SLAIN2: variants seen among roughly 807,000 people sequenced by gnomAD.
SLAIN2 encodes the protein SLAIN motif-containing protein 2.
SLAIN2 carries 31 observed loss-of-function variants against 56.6 expected under a neutral mutation model. The observed-to-expected ratio is 0.55, with a 90% CI of 0.41 to 0.74. The LOEUF (loss-of-function observed/expected upper bound fraction) is 0.74, where lower values mean the gene tolerates loss of function less well. Among genes scored for constraint, SLAIN2 ranks in the 30% least tolerant of loss-of-function variants. SLAIN2 has a pLI of 0.00. For missense variants in SLAIN2, 777 were observed against 754.2 expected, an observed-to-expected ratio of 1.03 and a Z score of -0.35; for synonymous variants, 317 against 284.9, an observed-to-expected ratio of 1.11 and a Z score of -1.13.
rs1199947371 is a variant in SLAIN2 at position 48,424,051 on chromosome 4, A to T, written c.*1974A>T. ...AGGAATTTTACCTATTATGAAACATATTACATTTTTTAAGTTAGATAATCA... is the reference window on the plus strand; with the variant it reads ...AGGAATTTTACCTATTATGAAACATTTTACATTTTTTAAGTTAGATAATCA... On this transcript the variant is annotated 3_prime_UTR_variant, in exon 8 of 8. Transcript: ENST00000264313. 5.3e-5 allele frequency: 8 copies of T among 152,032 alleles called. No individual in the cohort carries two copies. The highest frequency in any genetic ancestry group is 1.3e-4 in the Admixed American group (2 of 15,254). 9.4% of individuals were successfully genotyped at this position (152,032 alleles called of 1,614,324 possible).
chr4:48,342,670 A>G (rs1714748761), intron 1 of SLAIN2, among the ~76,000 whole-genome samples: 1 of 143,612 alleles, frequency 7.0e-6, no homozygotes, highest in South Asian at 2.3e-4. Flanking sequence ...GTAGTGGGGT[A>G]AACCTTGCTT....
chr4:48,395,685 T>G (rs1716358489), intron 6 of SLAIN2, among the ~76,000 whole-genome samples: 1 of 152,044 alleles, frequency 6.6e-6, no homozygotes, highest in South Asian at 2.1e-4. Context: ...ATATGAATGT[T>G]TTTTGGTGCC....
chr4:48,402,116 G>C (rs548301109), intron 6 of SLAIN2, among the ~76,000 whole-genome samples: 1 of 152,058 alleles, frequency 6.6e-6, no homozygotes, highest in South Asian at 2.1e-4. Flanking sequence ...TTCTGGCTTT[G>C]TAGTGTTTAT....
chr4:48,403,851 C>T (rs535945357), intron 6 of SLAIN2, among the ~76,000 whole-genome samples: 5 of 152,178 alleles, frequency 3.3e-5, no homozygotes, highest in African/African-American at 4.8e-5. Flanking sequence ...TCTGCGGAGA[C>T]GCCACACAGC....
intron 1 of SLAIN2, among the ~76,000 whole-genome samples, chr4:48,352,258 T>G (rs1313078350): frequency 6.6e-6 from 1 of 152,148 alleles, no homozygotes; most frequent in African/African-American, 2.4e-5. Flanking sequence ...CAAACCAAAG[T>G]ATTGAATTCA....
chr4:48,360,682 G>T (rs1166715105), intron 1 of SLAIN2, among the ~76,000 whole-genome samples: 1 of 152,168 alleles, frequency 6.6e-6, no homozygotes, highest in African/African-American at 2.4e-5. Context: ...TCACAGAATA[G>T]TACAACCATC....
At chr4:48,359,455 A>G (rs1165921688) in intron 1 of SLAIN2, among the ~76,000 whole-genome samples, 2 of 152,246 alleles carry the variant, frequency 1.3e-5, no homozygotes, top group Non-Finnish European at 2.9e-5. Context: ...AGCTGGCTAC[A>G]ATATGAAAAG....
chr4:48,370,614 T>G lies in SLAIN2; in HGVS notation c.538+617T>G, dbSNP rs574107450. Among the ~76,000 whole-genome samples, 3 of 152,382 alleles carry G rather than the reference T, an allele frequency of 2.0e-5. No homozygotes were observed. The South Asian group carries it at 6.2e-4, about 32-fold the overall frequency. On this transcript the variant is annotated intron_variant, in intron 2 of 7. Coordinates refer to ENST00000264313, the MANE Select transcript of SLAIN2 (RefSeq NM_020846.2). The stretch of plus-strand genomic sequence containing the variant: ...TTAGGTTTAAATTGCTTTTATGCTC[T>G]TTTGTTTAATAGCATTCACAAAGCT...
intron 6 of SLAIN2, chr4:48,387,575 T>C (rs1424634588): frequency 6.6e-6 from 1 of 151,982 alleles, no homozygotes; most frequent in Non-Finnish European, 1.5e-5. Context: ...TTGTTTATAT[T>C]TGTAGCTGTA....
At chr4:48,357,868 T>A (rs1213041143) in intron 1 of SLAIN2, among the ~76,000 whole-genome samples, 1 of 151,848 alleles carries the variant, frequency 6.6e-6, no homozygotes, top group African/African-American at 2.4e-5. Flanking sequence ...CTGATGTTTT[T>A]AAAAAACTTT....
At chr4:48,348,080 G>C (rs563401853) in intron 1 of SLAIN2, among the ~76,000 whole-genome samples, 1 of 152,148 alleles carries the variant, frequency 6.6e-6, no homozygotes. Context: ...TAGATATTTA[G>C]CTTGGGGAAG....
At chr4:48,362,907 G>A (rs1388293398) in intron 1 of SLAIN2, among the ~76,000 whole-genome samples, 2 of 90,020 alleles carry the variant, frequency 2.2e-5, no homozygotes, top group East Asian at 2.8e-4. Flanking sequence ...AGGACCCTGC[G>A]GCCTTCCGCA....
intron 6 of SLAIN2, 90 bp downstream of exon 6, chr4:48,383,874 T>A: frequency 7.0e-7 from 1 of 1,418,598 alleles, no homozygotes. Context: ...AACCGTTTTT[T>A]ATGCTGAAAA....
chr4:48,361,081 C>T (rs1291879988), intron 1 of SLAIN2, among the ~76,000 whole-genome samples: 1 of 152,188 alleles, frequency 6.6e-6, no homozygotes, highest in East Asian at 1.9e-4. Flanking sequence ...ATCTAAATGT[C>T]TACAAAGATT....
intron 1 of SLAIN2, among the ~76,000 whole-genome samples, chr4:48,345,489 A>C (rs982079323): frequency 1.6e-4 from 25 of 152,050 alleles, no homozygotes; most frequent in Admixed American, 1.6e-3. Context: ...GGTGGGTGTG[A>C]ATCAAATGCT....
intron 1 of SLAIN2, among the ~76,000 whole-genome samples, chr4:48,367,515 C>T (rs768116396): frequency 1.1e-4 from 17 of 151,762 alleles, no homozygotes; most frequent in Non-Finnish European, 2.5e-4. Context: ...GTCTTGGTGA[C>T]AGATTATTGA....
chr4:48,345,559 G>A (rs1391264686), intron 1 of SLAIN2, among the ~76,000 whole-genome samples: 6 of 151,750 alleles, frequency 4.0e-5, no homozygotes, highest in African/African-American at 1.5e-4. Context: ...CTTAATATGA[G>A]CCTGAAGTAT....
At chr4:48,364,832 C>T (rs1715465186) in intron 1 of SLAIN2, among the ~76,000 whole-genome samples, 1 of 130,598 alleles carries the variant, frequency 7.7e-6, no homozygotes, top group Non-Finnish European at 1.6e-5. Context: ...CCAGCTTCGG[C>T]TCCGCATGAG....
chr4:48,359,311 A>G (rs1715254255), intron 1 of SLAIN2, among the ~76,000 whole-genome samples: 1 of 152,184 alleles, frequency 6.6e-6, no homozygotes, highest in Non-Finnish European at 1.5e-5. Flanking sequence ...GGGGTAGTAA[A>G]AGTCTGATTA....
Sources: allele counts gnomAD v4.1 joint callset (sites outside exome capture counted in the v4.1 genomes callset), GRCh38; gene constraint gnomAD v4.1.1; transcripts MANE v1.5; gene names NCBI Gene and HGNC (gene_info 2026-07-23, HGNC 2026-07-21).